The following PARD3B variants were observed in gnomAD, a reference collection of about 807,000 sequenced individuals.
The protein encoded by PARD3B is par-3 family cell polarity regulator beta.
A neutral mutation model predicts 130.2 loss-of-function variants in PARD3B; 103 were observed. That is an observed-to-expected ratio of 0.79 (90% CI 0.67 to 0.93). The LOEUF (loss-of-function observed/expected upper bound fraction) is 0.93. PARD3B is among the 40% of genes least tolerant of loss of function. PARD3B has a pLI of 0.00. For synonymous variants in PARD3B, 583 were observed against 553.2 expected, an observed-to-expected ratio of 1.05 and a Z score of -0.76; for missense variants, 1,609 against 1,499.2, an observed-to-expected ratio of 1.07 and a Z score of -1.21.
intron 3 of PARD3B, among the ~76,000 whole-genome samples, chr2:204,989,328 G>C (rs1034393394): frequency 2.6e-5 from 4 of 152,168 alleles, no homozygotes; most frequent in Admixed American, 6.5e-5. Context: ...GAGAAGTATG[G>C]TGAGATTTTT....
chr2:205,449,237 T>C (rs2048016076), intron 20 of PARD3B, among the ~76,000 whole-genome samples: 2 of 151,884 alleles, frequency 1.3e-5, no homozygotes, highest in Non-Finnish European at 2.9e-5. Flanking sequence ...GCTTTTTTTT[T>C]TGTTGTTTGG....
At position 205,121,930 on chromosome 2, in the gene PARD3B, T is replaced by A. The variant is rs2125622381; in HGVS notation, c.1146T>A (p.Ile382=). The change falls in exon 8 of 23, where the codon ATT becomes ATA. Residue 382 remains isoleucine (I), a synonymous_variant. Transcript: ENST00000406610. The surrounding 1 kb of genome is among the most constrained non-coding windows in gnomAD (Gnocchi z 5.0). ...GCAGCAATAAAAATGCAAAGAAAAT[T>A]AAGATTGACCTAAAGAAAGGTAATT... ...GFGSNKNAKK[I]KIDLKKGPEG... 6.2e-7 allele frequency: 1 copy of A among 1,608,558 alleles called. No individual in the cohort carries two copies. Among genetic ancestry groups the A allele is most frequent in the South Asian group, 1.1e-5 (1 of 90,704 alleles).
In PARD3B at chr2:205,419,067, A is replaced by G. The variant is rs1474919119; in HGVS notation, c.2741+17944A>G. Among the ~76,000 whole-genome samples, 3 of 152,278 alleles carry G rather than the reference A, an allele frequency of 2.0e-5. No homozygotes were observed. In the East Asian group the frequency reaches 5.8e-4, roughly 29 times the overall value. On this transcript the variant is annotated intron_variant, in intron 19 of 22. Transcript: ENST00000406610. ...AGTACTATGTAATATATATACATAC[A>G]GTAATACAGCACTGATATGGTTTGG...
At chr2:204,809,882 TA>T (rs1448270705) in intron 2 of PARD3B, among the ~76,000 whole-genome samples, 1 of 152,170 alleles carries the variant, frequency 6.6e-6, no homozygotes, top group Non-Finnish European at 1.5e-5. Flanking sequence ...GAGCATGGAA[TA>T]TTTTTCCATT....
Position 205,591,669 on chromosome 2 carries a change from G to A in PARD3B, c.3261-23787G>A, listed in dbSNP as rs1421320379. On this transcript the variant is annotated intron_variant, in intron 22 of 22. Coordinates refer to ENST00000406610, the MANE Select transcript of PARD3B (RefSeq NM_001302769.2). The surrounding 1 kb of genome is among the most constrained non-coding windows in gnomAD (Gnocchi z 4.2). ...TTTTGATGCTCATTGCAAGATCTGT[G>A]TTGATGGACAGGATTGCTGAGCTCA... Among the ~76,000 whole-genome samples the A allele has an allele frequency of 2.6e-5, 4 of 152,178 alleles. No homozygotes were observed. The highest frequency in any genetic ancestry group is 5.9e-5 in the Non-Finnish European group (4 of 68,042).
intron 21 of PARD3B, among the ~76,000 whole-genome samples, chr2:205,540,947 C>T (rs1335759914): frequency 6.6e-6 from 1 of 152,046 alleles, no homozygotes; most frequent in Non-Finnish European, 1.5e-5. Flanking sequence ...TTGAAGAATT[C>T]AGTAATGAGT....
At chr2:205,423,191 C>CAA (rs2047030305) in intron 19 of PARD3B, among the ~76,000 whole-genome samples, 1 of 152,168 alleles carries the variant, frequency 6.6e-6, no homozygotes, top group East Asian at 1.9e-4. Context: ...TGCTGAGCGG[C>CAA]GATTGCCTAA....
chr2:205,324,273 T>G (rs1428739356), intron 18 of PARD3B, among the ~76,000 whole-genome samples: 1 of 152,192 alleles, frequency 6.6e-6, no homozygotes, highest in Non-Finnish European at 1.5e-5. Context: ...ATCTTTAATA[T>G]AAGTGTACTT....
intron 2 of PARD3B, among the ~76,000 whole-genome samples, chr2:204,738,992 T>C (rs1021362722): frequency 6.6e-6 from 1 of 152,226 alleles, no homozygotes; most frequent in Non-Finnish European, 1.5e-5. Flanking sequence ...GGGAGGATTA[T>C]GCAAGGGTGA....
In PARD3B at chr2:205,125,549, A is replaced by G; in HGVS notation, c.1306-60A>G. The G allele has an allele frequency of 6.4e-7, 1 of 1,556,456 alleles. No individual in the cohort carries two copies. The highest frequency in any genetic ancestry group is 1.4e-5 in the African/African-American group (1 of 73,072). On this transcript the variant is annotated intron_variant, in intron 9 of 22. Coordinates refer to ENST00000406610, the MANE Select transcript of PARD3B (RefSeq NM_001302769.2). This position sits in a 1 kb window ranked among gnomAD's most constrained non-coding sequence, Gnocchi z 4.0. ...TGCTTCTTGTTTTCAAAAACTATCT[A>G]GTGTAGAAGGAGATAACAAGTATTG...
At chr2:204,613,047 G>A (rs2033986350) in intron 1 of PARD3B, among the ~76,000 whole-genome samples, 1 of 151,674 alleles carries the variant, frequency 6.6e-6, no homozygotes, top group Admixed American at 6.6e-5. Flanking sequence ...ACTTGTACAT[G>A]TATTTTTTTT....
rs2031295677 is a variant in PARD3B, at chr2:205,125,653, G to A, written c.1350G>A (p.Val450=). The change falls in exon 10 of 23, where the codon GTG becomes GTA. Residue 450 remains valine, a synonymous_variant. Transcript: ENST00000406610. The surrounding 1 kb of genome is among the most constrained non-coding windows in gnomAD (Gnocchi z 4.0). ...CCGGACGAACCCAGGAAGAGCTTGT[G>A]GCCATGCTCAGGAGCACCAAGCAGG... ...DVTGRTQEEL[V]AMLRSTKQGE... The A allele has an allele frequency of 6.2e-7, 1 of 1,613,984 alleles. No individual in the cohort carries two copies. Among genetic ancestry groups the A allele is most frequent in the African/African-American group, 1.3e-5 (1 of 75,016 alleles).
intron 2 of PARD3B, among the ~76,000 whole-genome samples, chr2:204,764,361 T>C (rs2041041557): frequency 6.6e-6 from 1 of 152,156 alleles, no homozygotes; most frequent in East Asian, 1.9e-4. Context: ...TGAGCATGTC[T>C]GGGCAAATCT....
Position 205,615,737 on chromosome 2 carries a change from G to A in PARD3B, c.3542G>A (p.Arg1181His), listed in dbSNP as rs374968951. 91 of 1,614,036 alleles carry A rather than the reference G, an allele frequency of 5.6e-5. No homozygotes were observed. Among genetic ancestry groups the A allele is most frequent in the South Asian group, 1.8e-4 (16 of 91,072 alleles). Residue 1181 changes from arginine (R) to histidine (H), a missense_variant, in exon 23 of 23, where the codon CGT becomes CAT. Arg to His is a conservative substitution (Grantham distance 29, BLOSUM62 0). Transcript: ENST00000406610. ...AYQETGRPGP[R>H]GGSPDQYPYR... ...CAGGAAACAGGCAGACCAGGGCCCC[G>A]TGGGGGCAGCCCAGACCAGTACCCT...
intron 18 of PARD3B, among the ~76,000 whole-genome samples, chr2:205,313,304 C>G (rs1861508): frequency 6.6e-6 from 1 of 151,948 alleles, no homozygotes. Flanking sequence ...ACACAGAGTT[C>G]GCTTAATATC....
At chr2:205,306,833 A>G (rs1288142002) in intron 18 of PARD3B, among the ~76,000 whole-genome samples, 1 of 152,202 alleles carries the variant, frequency 6.6e-6, no homozygotes, top group African/African-American at 2.4e-5. Flanking sequence ...AGCTGTTACC[A>G]TTAGCCAACA....
chr2:204,660,354 A>G (rs1322895806), intron 1 of PARD3B, among the ~76,000 whole-genome samples: 1 of 152,186 alleles, frequency 6.6e-6, no homozygotes, highest in Non-Finnish European at 1.5e-5. Flanking sequence ...AAGTATCCTA[A>G]AGAAAATTGT....
rs190433660 is a variant in PARD3B, at chr2:204,776,708, G to A, written c.222+90426G>A. 4.6e-3 allele frequency among the ~76,000 whole-genome samples: 703 copies of A among 151,974 alleles called. 5 individuals are homozygous for A. Among genetic ancestry groups the A allele is most frequent in the Non-Finnish European group, 7.5e-3 (511 of 67,994 alleles). ...GAAGTGGGCAGTTTGCTAACTATTT[G>A]CCTGGGGTCTGGTAGGAATTTAAGT... On this transcript the variant is annotated intron_variant, in intron 2 of 22. Coordinates refer to ENST00000406610, the MANE Select transcript of PARD3B (RefSeq NM_001302769.2).
chr2:204,638,951 A>C (rs1385548141), intron 1 of PARD3B, among the ~76,000 whole-genome samples: 1 of 151,934 alleles, frequency 6.6e-6, no homozygotes. Context: ...CTTATTAACT[A>C]TGTGTCCTTG....
Sources: gnomAD v4.1 joint callset for allele counts (sites outside exome capture counted in the v4.1 genomes callset) on GRCh38, gnomAD v4.1.1 for gene constraint, Gnocchi (gnomAD v3.1) non-coding constraint, MANE v1.5 for transcripts, NCBI Gene and HGNC (gene_info 2026-07-23, HGNC 2026-07-21) for gene names.